Variants in SNX8 observed in about 807,000 individuals in gnomAD.
The protein encoded by SNX8 is sorting nexin 8.
In SNX8, 25 loss-of-function variants were observed where a neutral mutation model predicts 51.6. The ratio of observed to expected loss-of-function variants is 0.48; its 90% CI spans 0.35 to 0.68. SNX8 has a LOEUF of 0.68. Ranked by LOEUF, SNX8 falls within the 30% of genes least tolerant of loss-of-function variation. The probability of loss-of-function intolerance (pLI) is 0.00; values close to 1 mark genes in which losing one functional copy is unlikely to be tolerated. For missense variants in SNX8, 695 were observed against 624.0 expected (o/e 1.11, Z -1.21); for synonymous variants, 324 against 277.0 (o/e 1.17, Z -1.68).
Position 2,300,572 on chromosome 7 carries a change from C to G in SNX8, c.94+13756G>C, listed in dbSNP as rs543301580. On this transcript the variant is annotated intron_variant, in intron 1 of 10. Transcript: ENST00000222990. ...GAACTACAGACACGTACCACCATGC[C>G]TGGCTAATTTTTTCATTTTTTTGTA... Among the ~76,000 whole-genome samples the G allele has an allele frequency of 2.6e-5, 4 of 152,164 alleles. No individual in the cohort carries two copies. In the East Asian group the frequency reaches 7.7e-4, roughly 29 times the overall value.
intron 4 of SNX8, among the ~76,000 whole-genome samples, chr7:2,269,893 C>T (rs1795601447): frequency 6.6e-6 from 1 of 152,186 alleles, no homozygotes; most frequent in South Asian, 2.1e-4. Flanking sequence ...GCCACTCCAT[C>T]CGCAGACGGG....
chr7:2,269,728 G>A (rs1335982812), intron 4 of SNX8, 89 bp from the exon 5 acceptor site: 6 of 766,800 alleles, frequency 7.8e-6, no homozygotes, highest in Admixed American at 2.5e-5. Context: ...GCGGGAGGTC[G>A]TCTTTCCTCA....
chr7:2,327,994 T>C (rs1176488916), intron 1 of SNX8, among the ~76,000 whole-genome samples: 1 of 152,048 alleles, frequency 6.6e-6, no homozygotes, highest in African/African-American at 2.4e-5. Flanking sequence ...GCTTCCCACA[T>C]AGCTGGGACC....
intron 1 of SNX8, among the ~76,000 whole-genome samples, chr7:2,288,938 T>A (rs1262851057): frequency 3.3e-5 from 5 of 152,160 alleles, no homozygotes; most frequent in Non-Finnish European, 7.3e-5. Flanking sequence ...GGTTTCCCCA[T>A]GTTGCTCAGG....
At chr7:2,266,898 C>T (rs769559415) in intron 5 of SNX8, among the ~76,000 whole-genome samples, 49 of 152,264 alleles carry the variant, frequency 3.2e-4, no homozygotes, top group Non-Finnish European at 6.2e-4. Flanking sequence ...TGGAAAAAGA[C>T]CAAACTTTAA....
rs1390348009 is a variant in SNX8 at position 2,256,842 on chromosome 7, C to G, written c.1284+32G>C. 13 of 1,592,504 alleles carry G rather than the reference C, an allele frequency of 8.2e-6. 1 individual carries two copies. In the South Asian group the frequency reaches 1.4e-4, roughly 17 times the overall value. The stretch of plus-strand genomic sequence containing the variant: ...GCGGAGGGACAAAGAAAGGCCGTGG[C>G]CGAGACGGCGGCCGGAGCAGGGCGG... On this transcript the variant is annotated intron_variant, in intron 10 of 10. Coordinates refer to ENST00000222990, the MANE Select transcript of SNX8 (RefSeq NM_013321.4).
intron 1 of SNX8, among the ~76,000 whole-genome samples, chr7:2,313,875 C>T (rs1177982561): frequency 6.6e-6 from 1 of 152,236 alleles, no homozygotes; most frequent in African/African-American, 2.4e-5. Flanking sequence ...CAAGACCACA[C>T]AACCGACAGG....
At chr7:2,314,087 C>G (rs1301341720) in intron 1 of SNX8, among the ~76,000 whole-genome samples, 1 of 152,138 alleles carries the variant, frequency 6.6e-6, no homozygotes, top group Non-Finnish European at 1.5e-5. Context: ...ACAGGGCTCT[C>G]CCGGCGCAGG....
intron 1 of SNX8, among the ~76,000 whole-genome samples, chr7:2,335,416 A>G (rs926724134): frequency 6.6e-6 from 1 of 152,124 alleles, no homozygotes; most frequent in Admixed American, 6.6e-5. Flanking sequence ...TGGGAGGCCT[A>G]GGCGAGAACA....
chr7:2,346,737 C>CAAA (rs143462126), intron 1 of SNX8, among the ~76,000 whole-genome samples: 126 of 44,812 alleles, frequency 2.8e-3, no homozygotes, highest in Non-Finnish European at 3.3e-3. Flanking sequence ...GACTCCGTCT[C>CAAA]AAAAAAAAAA....
At chr7:2,352,784 C>T (rs747616872) in intron 1 of SNX8, among the ~76,000 whole-genome samples, 20 of 151,712 alleles carry the variant, frequency 1.3e-4, no homozygotes, top group Non-Finnish European at 7.4e-5. Context: ...TGCAGTGAGC[C>T]GAGATCGTGC....
intron 1 of SNX8, among the ~76,000 whole-genome samples, chr7:2,353,621 C>T (rs997983975): frequency 2.0e-5 from 3 of 152,024 alleles, no homozygotes; most frequent in African/African-American, 7.2e-5. Context: ...AGTTCAGTGG[C>T]ATCAAGTACA....
chr7:2,295,089 T>C (rs1796240832), intron 1 of SNX8, among the ~76,000 whole-genome samples: 1 of 151,862 alleles, frequency 6.6e-6, no homozygotes, highest in Non-Finnish European at 1.5e-5. Context: ...CACCTCACTG[T>C]TTGGTTGCAA....
chr7:2,263,247 CG>C lies in SNX8; in HGVS notation c.897del (p.Asp300ThrfsTer18). 1 of 1,613,894 alleles carries C rather than the reference CG, an allele frequency of 6.2e-7. No homozygotes were observed. Among genetic ancestry groups the C allele is most frequent in the Non-Finnish European group, 8.5e-7 (1 of 1,180,004 alleles). Reference sequence around the variant, plus strand: ...CCACTCACCTGTTGTGCAGCCTTGTCGGCGAGCAGCGCGAATTCCACAGACA... The same window carrying C: ...CCACTCACCTGTTGTGCAGCCTTGTCGCGAGCAGCGCGAATTCCACAGACA... The part of the protein sequence containing the change: ...KGLSVEFALL[A>X]DKAAQQGKQE... On this transcript the variant is annotated frameshift_variant, in exon 7 of 11. Coordinates refer to ENST00000222990, the MANE Select transcript of SNX8 (RefSeq NM_013321.4). LOFTEE classifies it high-confidence loss of function.
At chr7:2,327,590 G>A (rs1424227708) in intron 1 of SNX8, among the ~76,000 whole-genome samples, 1 of 152,104 alleles carries the variant, frequency 6.6e-6, no homozygotes, top group Admixed American at 6.6e-5. Flanking sequence ...TGTGTTTTTA[G>A]TAGAGATGGG....
At chr7:2,314,248 G>C (rs536759160) in intron 1 of SNX8, 80 bp downstream of exon 1, 184 of 1,203,874 alleles carry the variant, frequency 1.5e-4, no homozygotes, top group Admixed American at 3.1e-4. Context: ...GACCAAGCGC[G>C]GCGGCTGAGC....
chr7:2,277,757 A>C (rs1223536279), intron 2 of SNX8, among the ~76,000 whole-genome samples: 3 of 151,788 alleles, frequency 2.0e-5, no homozygotes, highest in African/African-American at 7.3e-5. Flanking sequence ...CAGTGAGCCG[A>C]GATCATGCCA....
intron 2 of SNX8, among the ~76,000 whole-genome samples, chr7:2,277,816 A>G (rs1344355915): frequency 6.6e-6 from 1 of 151,936 alleles, no homozygotes; most frequent in Non-Finnish European, 1.5e-5. Context: ...CGGGGAAAAA[A>G]AAAAAAGAAA....
chr7:2,303,557 T>G lies in SNX8; in HGVS notation c.94+10771A>C, dbSNP rs370581141. Among the ~76,000 whole-genome samples the G allele has an allele frequency of 1.7e-3, 263 of 152,300 alleles. 8 individuals carry two copies. The East Asian group carries it at 0.041, about 24-fold the overall frequency. ...AGATTGAGAAATCGGATGGTTGCCG[T>G]GTCTGTGTAGAAAGAAGTAGACATG... On this transcript the variant is annotated intron_variant, in intron 1 of 10. Transcript: ENST00000222990.
Sources: gnomAD v4.1 joint callset for allele counts (sites outside exome capture counted in the v4.1 genomes callset) on GRCh38, gnomAD v4.1.1 for gene constraint, MANE v1.5 for transcripts, NCBI Gene and HGNC (gene_info 2026-07-23, HGNC 2026-07-21) for gene names.